The following SH2D4B variants were observed in gnomAD, a reference collection of about 807,000 sequenced individuals.
The protein encoded by SH2D4B is SH2 domain-containing protein 4B.
Under a neutral mutation model 61.5 loss-of-function variants are expected in SH2D4B, and 45 were observed. The ratio of observed to expected loss-of-function variants is 0.73; its 90% CI spans 0.58 to 0.94. The LOEUF is 0.94. Ranked by LOEUF, SH2D4B falls within the 40% of genes least tolerant of loss-of-function variation. The pLI, the probability that SH2D4B is intolerant of heterozygous loss-of-function variation, is 0.00. For synonymous variants in SH2D4B, 224 were observed against 220.4 expected, an observed-to-expected ratio of 1.02 and a Z score of -0.14; for missense variants, 572 against 574.2, an observed-to-expected ratio of 1.00 and a Z score of 0.04.
intron 1 of SH2D4B, among the ~76,000 whole-genome samples, chr10:80,540,182 T>C (rs1841559476): frequency 6.6e-6 from 1 of 152,172 alleles, no homozygotes; most frequent in African/African-American, 2.4e-5. Context: ...ATTTTCTGAT[T>C]TATAAAGAAT....
chr10:80,589,043 G>T (rs954994093), intron 4 of SH2D4B, among the ~76,000 whole-genome samples: 1 of 149,570 alleles, frequency 6.7e-6, no homozygotes, highest in Non-Finnish European at 1.5e-5. Flanking sequence ...TTGCTCTGTC[G>T]CCTAGGCTGG....
At chr10:80,587,140 T>G (rs549751209) in intron 3 of SH2D4B, among the ~76,000 whole-genome samples, 7 of 53,344 alleles carry the variant, frequency 1.3e-4, no homozygotes, top group East Asian at 6.6e-4. Context: ...GTTTTTTTTT[T>G]TTTTTGTTTT....
intron 1 of SH2D4B, among the ~76,000 whole-genome samples, chr10:80,568,461 A>C (rs1372885693): frequency 6.6e-6 from 1 of 152,144 alleles, no homozygotes; most frequent in Non-Finnish European, 1.5e-5. Context: ...GCCTCTGGGA[A>C]GCAGGGCCTT....
chr10:80,629,470 C>G (rs139574674), intron 6 of SH2D4B, among the ~76,000 whole-genome samples: 18 of 152,286 alleles, frequency 1.2e-4, no homozygotes, highest in Non-Finnish European at 2.1e-4. Flanking sequence ...GCAGAATTCA[C>G]AGAGACCTAG....
chr10:80,584,872 G>A (rs958013154), intron 3 of SH2D4B, among the ~76,000 whole-genome samples: 7 of 152,218 alleles, frequency 4.6e-5, no homozygotes, highest in Non-Finnish European at 1.0e-4. Context: ...TTGATAACTT[G>A]ATAAATCAAG....
At chr10:80,546,929 T>G (rs1841688490) in intron 1 of SH2D4B, among the ~76,000 whole-genome samples, 1 of 152,212 alleles carries the variant, frequency 6.6e-6, no homozygotes, top group African/African-American at 2.4e-5. Context: ...ATAAGCCTAT[T>G]TTTATATTCT....
intron 5 of SH2D4B, among the ~76,000 whole-genome samples, chr10:80,604,106 T>C (rs1397787573): frequency 6.6e-6 from 1 of 152,226 alleles, no homozygotes; most frequent in African/African-American, 2.4e-5. Flanking sequence ...AATGTTTGCA[T>C]ACAATTTGAG....
intron 1 of SH2D4B, among the ~76,000 whole-genome samples, chr10:80,564,901 G>T (rs527968288): frequency 6.6e-6 from 1 of 152,360 alleles, no homozygotes; most frequent in East Asian, 1.9e-4. Context: ...AGGAATGAAT[G>T]ATTTGCCAAT....
At chr10:80,607,631 C>T (rs1217081553) in intron 5 of SH2D4B, 5 of 152,248 alleles carry the variant, frequency 3.3e-5, no homozygotes, top group Non-Finnish European at 7.3e-5. Flanking sequence ...TAAAGAAATG[C>T]CCCACGGATT....
intron 4 of SH2D4B, among the ~76,000 whole-genome samples, chr10:80,602,729 T>C (rs1405952462): frequency 2.0e-5 from 3 of 152,184 alleles, no homozygotes; most frequent in African/African-American, 7.2e-5. Context: ...GTTGGGCAAA[T>C]TGCTGTCCTT....
At chr10:80,608,738 G>A (rs1006196967) in intron 5 of SH2D4B, among the ~76,000 whole-genome samples, 7 of 151,898 alleles carry the variant, frequency 4.6e-5, no homozygotes, top group East Asian at 1.9e-4. Flanking sequence ...AGTTACCAAC[G>A]TGTGGTTTTG....
chr10:80,566,529 C>T (rs1234708808), intron 1 of SH2D4B, among the ~76,000 whole-genome samples: 1 of 152,114 alleles, frequency 6.6e-6, no homozygotes, highest in Admixed American at 6.5e-5. Context: ...CTCCTGACCT[C>T]AGGTGATCTG....
At chr10:80,585,544 A>G (rs1842234976) in intron 3 of SH2D4B, among the ~76,000 whole-genome samples, 1 of 152,006 alleles carries the variant, frequency 6.6e-6, no homozygotes, top group Non-Finnish European at 1.5e-5. Flanking sequence ...CAAACTCCTG[A>G]CCTCAGGTGA....
chr10:80,609,596 T>C, intron 6 of SH2D4B, 45 bp downstream of exon 6: 1 of 1,612,732 alleles, frequency 6.2e-7, no homozygotes, highest in Non-Finnish European at 8.5e-7. Flanking sequence ...TTTCCACATC[T>C]TTGCCTCTCT....
At chr10:80,541,019 C>A in intron 1 of SH2D4B, 1 of 992,254 alleles carries the variant, frequency 1.0e-6, no homozygotes, top group Non-Finnish European at 1.6e-6. Flanking sequence ...ATAGGAAAGG[C>A]AAGAAACTGT....
At chr10:80,617,047 G>A (rs1206495965) in intron 6 of SH2D4B, among the ~76,000 whole-genome samples, 1 of 152,260 alleles carries the variant, frequency 6.6e-6, no homozygotes, top group African/African-American at 2.4e-5. Flanking sequence ...TATGTTTTTA[G>A]TAAGTGGGGG....
At position 80,615,433 on chromosome 10, in the gene SH2D4B, A is replaced by G. The variant is rs1428307748; in HGVS notation, c.988+5882A>G. Among the ~76,000 whole-genome samples, 3 of 152,244 alleles carry G rather than the reference A, an allele frequency of 2.0e-5. No homozygotes were observed. The East Asian group carries it at 5.8e-4, about 29-fold the overall frequency. On this transcript the variant is annotated intron_variant, in intron 6 of 7. Coordinates refer to ENST00000646907, the MANE Select transcript of SH2D4B (RefSeq NM_001388272.1). ...GCCATCCAGGGATGGAAACTGGGAC[A>G]GAAAAGTGCCCTCTCTGCATTTACA...
At chr10:80,625,038 G>T (rs1264369029) in intron 6 of SH2D4B, among the ~76,000 whole-genome samples, 1 of 152,052 alleles carries the variant, frequency 6.6e-6, no homozygotes, top group Admixed American at 6.5e-5. Flanking sequence ...TGAATATTTT[G>T]TCCATTATTT....
At chr10:80,586,068 C>T (rs754964485) in intron 3 of SH2D4B, among the ~76,000 whole-genome samples, 1 of 152,286 alleles carries the variant, frequency 6.6e-6, no homozygotes, top group East Asian at 1.9e-4. Flanking sequence ...GCCGGCCCAG[C>T]GGCACTGCAC....
Sources: allele counts gnomAD v4.1 joint callset (sites outside exome capture counted in the v4.1 genomes callset), GRCh38; gene constraint gnomAD v4.1.1; transcripts MANE v1.5; gene names NCBI Gene and HGNC (gene_info 2026-07-23, HGNC 2026-07-21).